NDST4: variants seen among roughly 807,000 people sequenced by gnomAD.
NDST4 encodes N-heparan sulfate sulfotransferase 4.
NDST4 carries 63 observed loss-of-function variants against 100.8 expected under a neutral mutation model. The observed-to-expected ratio is 0.62, with a 90% CI of 0.51 to 0.77. The LOEUF is 0.77. Among genes scored for constraint, NDST4 ranks in the 30% least tolerant of loss-of-function variants. The pLI, the probability that NDST4 is intolerant of heterozygous loss-of-function variation, is 0.00. For synonymous variants in NDST4, 377 were observed against 361.8 expected (o/e 1.04, Z -0.48); for missense variants, 943 against 1,018.4 (o/e 0.93, Z 1.01).
intron 1 of NDST4, among the ~76,000 whole-genome samples, chr4:115,088,168 C>A (rs1209068083): frequency 6.6e-6 from 1 of 151,300 alleles, no homozygotes; most frequent in Non-Finnish European, 1.5e-5. Context: ...TTCTACTTTA[C>A]AAAAAAAACA....
At chr4:114,952,029 A>T (rs777213832) in intron 4 of NDST4, among the ~76,000 whole-genome samples, 11 of 152,182 alleles carry the variant, frequency 7.2e-5, no homozygotes, top group Non-Finnish European at 1.3e-4. Flanking sequence ...AACCTATGTT[A>T]TAATTTTCAT....
chr4:115,012,029 T>G (rs1295609944), intron 2 of NDST4, among the ~76,000 whole-genome samples: 1 of 151,812 alleles, frequency 6.6e-6, no homozygotes, highest in Non-Finnish European at 1.5e-5. Flanking sequence ...GTAAAGTGAA[T>G]AAAGTAAGAG....
chr4:115,102,259 G>C (rs1397528762), intron 1 of NDST4, among the ~76,000 whole-genome samples: 3 of 152,074 alleles, frequency 2.0e-5, no homozygotes, highest in Non-Finnish European at 4.4e-5. Flanking sequence ...ATGCTCATTT[G>C]ACCCTTGTAT....
intron 4 of NDST4, among the ~76,000 whole-genome samples, chr4:114,958,762 T>C (rs1182637432): frequency 6.6e-6 from 1 of 152,224 alleles, no homozygotes; most frequent in Non-Finnish European, 1.5e-5. Context: ...CTTATGCAAA[T>C]TTCTGCACCC....
At chr4:114,925,114 C>T (rs1725362875) in intron 6 of NDST4, among the ~76,000 whole-genome samples, 1 of 151,954 alleles carries the variant, frequency 6.6e-6, no homozygotes, top group Non-Finnish European at 1.5e-5. Context: ...TTGCTTTGTT[C>T]TCCATGGAAT....
chr4:115,032,030 C>T (rs181203056), intron 2 of NDST4, among the ~76,000 whole-genome samples: 2 of 152,028 alleles, frequency 1.3e-5, no homozygotes, highest in African/African-American at 4.8e-5. Flanking sequence ...CTCCAACTGG[C>T]AATATAAAAT....
At chr4:114,933,002 C>A (rs1418777109) in intron 6 of NDST4, among the ~76,000 whole-genome samples, 1 of 151,952 alleles carries the variant, frequency 6.6e-6, no homozygotes, top group East Asian at 1.9e-4. Context: ...ACAAAAGACC[C>A]AGAATAGTCA....
At chr4:114,972,459 AGAG>A (rs1726534988) in intron 3 of NDST4, among the ~76,000 whole-genome samples, 1 of 152,032 alleles carries the variant, frequency 6.6e-6, no homozygotes, top group Non-Finnish European at 1.5e-5. Context: ...TAAGATGAGC[AGAG>A]GATTTCTTAA....
chr4:115,083,627 C>T (rs568261910), intron 1 of NDST4, among the ~76,000 whole-genome samples: 1 of 152,162 alleles, frequency 6.6e-6, no homozygotes, highest in East Asian at 1.9e-4. Context: ...ATTACAGTTC[C>T]CATAATCCCC....
At chr4:115,096,811 A>T (rs1406725340) in intron 1 of NDST4, among the ~76,000 whole-genome samples, 1 of 152,112 alleles carries the variant, frequency 6.6e-6, no homozygotes, top group Non-Finnish European at 1.5e-5. Flanking sequence ...AACTGTTTGA[A>T]ATGCTAAGTC....
chr4:114,974,900 A>G (rs1726595621), intron 3 of NDST4, among the ~76,000 whole-genome samples: 2 of 152,134 alleles, frequency 1.3e-5, no homozygotes, highest in Admixed American at 1.3e-4. Context: ...TCTTCAAAAC[A>G]ATGAGGCTCA....
At chr4:115,028,662 C>T (rs1384399640) in intron 2 of NDST4, among the ~76,000 whole-genome samples, 1 of 151,626 alleles carries the variant, frequency 6.6e-6, no homozygotes, top group African/African-American at 2.4e-5. Flanking sequence ...TAGCAAGTTG[C>T]AGGAGAGTGT....
Position 114,929,057 on chromosome 4 carries a change from C to T in NDST4, c.1536+6149G>A, listed in dbSNP as rs1185578109. Reference sequence around the variant, plus strand: ...CTGTCTGTCTGTCCGTCCGTCCGTCCGTCCGTCCGTCCGTCCGTCCATCCA... The same window carrying T: ...CTGTCTGTCTGTCCGTCCGTCCGTCTGTCCGTCCGTCCGTCCGTCCATCCA... On this transcript the variant is annotated intron_variant, in intron 6 of 13. Coordinates refer to ENST00000264363, the MANE Select transcript of NDST4 (RefSeq NM_022569.3). Among the ~76,000 whole-genome samples, 7 of 97,294 alleles carry T rather than the reference C, an allele frequency of 7.2e-5. No homozygotes were observed. The Admixed American group carries it at 8.0e-4, about 11-fold the overall frequency. 63.8% of individuals were successfully genotyped at this position (97,294 alleles called of 152,430 possible).
At chr4:114,888,233 A>T (rs1490575659) in intron 6 of NDST4, among the ~76,000 whole-genome samples, 2 of 150,430 alleles carry the variant, frequency 1.3e-5, no homozygotes, top group African/African-American at 2.4e-5. Context: ...TAATTTAATT[A>T]AAATATATAT....
intron 7 of NDST4, among the ~76,000 whole-genome samples, chr4:114,857,864 T>C (rs1455375983): frequency 6.6e-6 from 1 of 152,126 alleles, no homozygotes; most frequent in Non-Finnish European, 1.5e-5. Context: ...GAAAGAGGCA[T>C]GTGGATGGAC....
intron 12 of NDST4, among the ~76,000 whole-genome samples, chr4:114,832,531 A>G (rs1311477244): frequency 1.3e-5 from 2 of 151,860 alleles, no homozygotes; most frequent in Non-Finnish European, 2.9e-5. Flanking sequence ...CTTCTTTTAC[A>G]TTTCTCCCCA....
intron 7 of NDST4, among the ~76,000 whole-genome samples, chr4:114,857,705 C>A (rs1241721247): frequency 6.6e-6 from 1 of 152,180 alleles, no homozygotes; most frequent in African/African-American, 2.4e-5. Flanking sequence ...TGTACCTAGT[C>A]ATCTGCTTTT....
At position 115,077,229 on chromosome 4, in the gene NDST4, A is replaced by G. The variant is rs983761229; in HGVS notation, c.-193T>C. On this transcript the variant is annotated 5_prime_UTR_variant, in exon 2 of 14. Transcript: ENST00000264363. Reference sequence around the variant, plus strand: ...TAGATGGGAAGGATATACGTTGAGGAGATTTTGAATATGTCCAATACTGAG... The same window carrying G: ...TAGATGGGAAGGATATACGTTGAGGGGATTTTGAATATGTCCAATACTGAG... The G allele has an allele frequency of 1.9e-6, 1 of 530,574 alleles. No homozygotes were observed. 32.9% of individuals were successfully genotyped at this position (530,574 alleles called of 1,614,324 possible).
intron 2 of NDST4, among the ~76,000 whole-genome samples, chr4:115,035,343 A>G (rs963005483): frequency 7.9e-5 from 12 of 152,100 alleles, no homozygotes; most frequent in Non-Finnish European, 1.3e-4. Flanking sequence ...GACTGAAAAG[A>G]ACAGAAAACA....
Sources: allele counts gnomAD v4.1 joint callset (sites outside exome capture counted in the v4.1 genomes callset), GRCh38; gene constraint gnomAD v4.1.1; transcripts MANE v1.5; gene names NCBI Gene and HGNC (gene_info 2026-07-23, HGNC 2026-07-21).